TRAPPC9: variants seen among roughly 807,000 people sequenced by gnomAD.
TRAPPC9 encodes the protein IKK2 binding protein.
TRAPPC9 carries 83 observed loss-of-function variants against 124.0 expected under a neutral mutation model. The observed-to-expected ratio is 0.67, with a 90% CI of 0.56 to 0.80. TRAPPC9 has a LOEUF of 0.80. TRAPPC9 is among the 30% of genes least tolerant of loss of function. The pLI, the probability that TRAPPC9 is intolerant of heterozygous loss-of-function variation, is 0.00. For synonymous variants in TRAPPC9, 638 were observed against 617.5 expected (o/e 1.03, Z -0.49); for missense variants, 1,302 against 1,508.3 (o/e 0.86, Z 2.27).
chr8:140,033,681 T>TTTG lies in TRAPPC9; in HGVS notation c.2557-9603_2557-9602insCAA, dbSNP rs1338096246. 4.5e-3 allele frequency among the ~76,000 whole-genome samples: 529 copies of TTTG among 117,338 alleles called. 12 individuals carry two copies. Among genetic ancestry groups the TTTG allele is most frequent in the African/African-American group, 0.015 (410 of 27,558 alleles). 77.0% of individuals were successfully genotyped at this position (117,338 alleles called of 152,430 possible). A position where few individuals can be genotyped will look rare whatever the true frequency, so the allele number is the denominator to read the frequency against. ...TGGTTTTTTTTTTTTTTTTTTTTTT[T>TTTG]TTTTTTTTTTTTTTTTTTGAGACAG... On this transcript the variant is annotated intron_variant, in intron 17 of 22. Transcript: ENST00000438773.
chr8:140,441,136 ACC>A (rs2071003086), intron 2 of TRAPPC9, among the ~76,000 whole-genome samples: 1 of 151,120 alleles, frequency 6.6e-6, no homozygotes, highest in Non-Finnish European at 1.5e-5. Context: ...GCACCACAAC[ACC>A]TGGCTAATTG....
In TRAPPC9 at chr8:140,451,395, G is replaced by T; in HGVS notation, c.-10-12C>A. On this transcript the variant is annotated splice_polypyrimidine_tract_variant and intron_variant, in intron 1 of 22. Transcript: ENST00000438773. ...TCATTTTGAAGTCCCTGTTCAGAGAGAAGAAATGAGGCTGTGAGACACAGA... is the reference window on the plus strand; with the variant it reads ...TCATTTTGAAGTCCCTGTTCAGAGATAAGAAATGAGGCTGTGAGACACAGA... 6.3e-7 allele frequency: 1 copy of T among 1,595,282 alleles called. No individual in the cohort carries two copies.
At chr8:140,231,235 C>T (rs372963727) in intron 16 of TRAPPC9, among the ~76,000 whole-genome samples, 15 of 152,160 alleles carry the variant, frequency 9.9e-5, no homozygotes, top group East Asian at 5.8e-4. Context: ...GCCTCCGAGG[C>T]CAGCATTTCC....
rs57775985 is a variant in TRAPPC9 at position 139,926,607 on chromosome 8, T to TAAA, written c.2811-16310_2811-16308dup. ...AACTTAAAAATACAATGAATTAAAA[T>TAAA]AAAAAAAAAAAAAAAACTCCTGAAT... is the stretch of plus-strand genomic sequence containing the variant. On this transcript the variant is annotated intron_variant, in intron 19 of 22. Transcript: ENST00000438773. Among the ~76,000 whole-genome samples the TAAA allele has an allele frequency of 2.1e-3, 295 of 140,382 alleles. 3 individuals carry two copies. Among genetic ancestry groups the TAAA allele is most frequent in the East Asian group, 6.8e-3 (33 of 4,878 alleles). 92.1% of individuals were successfully genotyped at this position (140,382 alleles called of 152,430 possible).
chr8:140,437,439 A>G (rs552078663), intron 3 of TRAPPC9, among the ~76,000 whole-genome samples: 34 of 152,274 alleles, frequency 2.2e-4, no homozygotes, highest in Admixed American at 1.9e-3. Context: ...CTCGGCCAAC[A>G]TCGCAAAACC....
intron 18 of TRAPPC9, among the ~76,000 whole-genome samples, chr8:140,022,009 G>A (rs1262220388): frequency 6.6e-6 from 1 of 152,218 alleles, no homozygotes; most frequent in African/African-American, 2.4e-5. Context: ...TGGGACTGGG[G>A]CAAAGGGACT....
At chr8:140,044,489 C>T (rs1276866892) in intron 17 of TRAPPC9, among the ~76,000 whole-genome samples, 1 of 152,182 alleles carries the variant, frequency 6.6e-6, no homozygotes, top group African/African-American at 2.4e-5. Context: ...GAAGACCATG[C>T]TAACAGACAG....
chr8:139,866,300 T>C (rs1209555468), intron 21 of TRAPPC9, among the ~76,000 whole-genome samples: 1 of 152,188 alleles, frequency 6.6e-6, no homozygotes, highest in Non-Finnish European at 1.5e-5. Flanking sequence ...GTCTCTCAGG[T>C]TCAATTTTAA....
chr8:140,252,860 C>T lies in TRAPPC9; in HGVS notation c.2348G>A (p.Gly783Glu), dbSNP rs779078424. The T allele has an allele frequency of 6.2e-7, 1 of 1,614,088 alleles. No homozygotes were observed. The highest frequency in any genetic ancestry group is 1.1e-5 in the South Asian group (1 of 91,078). ...ETLAQFPLQPGKVATFTINIK... is the reference protein window; with the variant it reads ...ETLAQFPLQPEKVATFTINIK... ...GTTGATTGTGAACGTGGCCACCTTCCCAGGCTGCAAAGGGAACTGGGCAAG... is the reference window on the plus strand; with the variant it reads ...GTTGATTGTGAACGTGGCCACCTTCTCAGGCTGCAAAGGGAACTGGGCAAG... Residue 783 changes from glycine (G) to glutamate (E), a missense_variant, in exon 16 of 23, where the codon GGG becomes GAG. Gly to Glu is a moderately conservative substitution (Grantham distance 98). Around this residue, in one of 3 missense-constraint regions of TRAPPC9, gnomAD observed 640 missense variants for 679.3 expected, o/e 0.94. Coordinates refer to ENST00000438773, the MANE Select transcript of TRAPPC9 (RefSeq NM_001160372.4). The surrounding 1 kb of genome is among the most constrained non-coding windows in gnomAD (Gnocchi z 4.2).
At chr8:140,314,856 G>C (rs2066402093) in intron 9 of TRAPPC9, among the ~76,000 whole-genome samples, 1 of 152,186 alleles carries the variant, frequency 6.6e-6, no homozygotes, top group Admixed American at 6.5e-5. Flanking sequence ...ATGGCACTTA[G>C]GTTGATTCCG....
At chr8:139,968,234 G>A (rs939798049) in intron 19 of TRAPPC9, among the ~76,000 whole-genome samples, 5 of 152,018 alleles carry the variant, frequency 3.3e-5, no homozygotes, top group African/African-American at 1.2e-4. Flanking sequence ...CTTTCATTAC[G>A]TAAAGCTGAG....
At chr8:140,200,828 G>T (rs575505892) in intron 17 of TRAPPC9, among the ~76,000 whole-genome samples, 1 of 152,188 alleles carries the variant, frequency 6.6e-6, no homozygotes, top group African/African-American at 2.4e-5. Context: ...TCACAGTGAC[G>T]CACCCACGTT....
chr8:140,361,468 G>A (rs1258951405), intron 8 of TRAPPC9, among the ~76,000 whole-genome samples: 1 of 152,242 alleles, frequency 6.6e-6, no homozygotes, highest in Non-Finnish European at 1.5e-5. Flanking sequence ...AACGGAGACA[G>A]TAGTCGGAGT....
At chr8:140,406,503 G>A (rs918316040) in intron 5 of TRAPPC9, among the ~76,000 whole-genome samples, 1 of 152,130 alleles carries the variant, frequency 6.6e-6, no homozygotes. Context: ...GGCCAAAGAC[G>A]TGCATCTCAC....
At chr8:139,895,187 T>C (rs1830587432) in intron 20 of TRAPPC9, among the ~76,000 whole-genome samples, 1 of 152,144 alleles carries the variant, frequency 6.6e-6, no homozygotes, top group African/African-American at 2.4e-5. Flanking sequence ...TCTGCCAGAC[T>C]GGTAACAATA....
At chr8:139,833,498 G>A (rs1038575722) in intron 21 of TRAPPC9, among the ~76,000 whole-genome samples, 1 of 152,186 alleles carries the variant, frequency 6.6e-6, no homozygotes, top group Non-Finnish European at 1.5e-5. Flanking sequence ...CGAAGAATCC[G>A]GCCACGGCAC....
At chr8:139,901,482 C>T (rs2131221475) in intron 20 of TRAPPC9, among the ~76,000 whole-genome samples, 1 of 152,236 alleles carries the variant, frequency 6.6e-6, no homozygotes, top group African/African-American at 2.4e-5. Context: ...GTGAGAGACC[C>T]AACTGGACAG....
chr8:140,023,948 G>A lies in TRAPPC9; in HGVS notation c.2688C>T (p.Leu896=), dbSNP rs1839967330. Residue 896 remains leucine (L), a synonymous_variant, in exon 18 of 23, where the codon CTC becomes CTT. Coordinates refer to ENST00000438773, the MANE Select transcript of TRAPPC9 (RefSeq NM_001160372.4). Reference sequence around the variant, plus strand: ...AGGAAGACATTTACCTGGTTGCTGGGAGGGTGCTGACTCGGGTGAAAAATA... The same window carrying A: ...AGGAAGACATTTACCTGGTTGCTGGAAGGGTGCTGACTCGGGTGAAAAATA... ...PSVFFTRVST[L]PATSTRQCHL... The A allele has an allele frequency of 6.2e-7, 1 of 1,614,058 alleles. No individual in the cohort carries two copies. The highest frequency in any genetic ancestry group is 8.5e-7 in the Non-Finnish European group (1 of 1,179,930).
intron 17 of TRAPPC9, among the ~76,000 whole-genome samples, chr8:140,051,887 T>C (rs1025845410): frequency 6.6e-6 from 1 of 152,088 alleles, no homozygotes; most frequent in Non-Finnish European, 1.5e-5. Context: ...AGCAGGAGTT[T>C]AACTGTGTTT....
Sources: gnomAD v4.1 joint callset for allele counts (sites outside exome capture counted in the v4.1 genomes callset) on GRCh38, gnomAD v4.1.1 for gene constraint, gnomAD v4.1.1 regional missense constraint, Gnocchi (gnomAD v3.1) non-coding constraint, MANE v1.5 for transcripts, NCBI Gene and HGNC (gene_info 2026-07-23, HGNC 2026-07-21) for gene names.